The following TEK variants were observed in gnomAD, a reference collection of about 807,000 sequenced individuals.
The protein encoded by TEK is angiopoietin-1 receptor.
A neutral mutation model predicts 131.8 loss-of-function variants in TEK; 43 were observed. That is an observed-to-expected ratio of 0.33 (90% confidence interval 0.26 to 0.42). The LOEUF (loss-of-function observed/expected upper bound fraction) is 0.42. TEK is among the 10% of genes least tolerant of loss of function. The pLI is 1.00. For missense variants in TEK, 1,162 were observed against 1,384.4 expected, an observed-to-expected ratio of 0.84 and a Z score of 2.55; for synonymous variants, 580 against 491.6, an observed-to-expected ratio of 1.18 and a Z score of -2.38.
Position 27,204,767 on chromosome 9 carries a change from T to C in TEK, c.2210-144T>C, listed in dbSNP as rs901498383. The C allele has an allele frequency of 6.1e-6, 6 of 988,346 alleles. No individual in the cohort carries two copies. The African/African-American group carries it at 9.5e-5, about 16-fold the overall frequency. 61.2% of individuals were successfully genotyped at this position (988,346 alleles called of 1,614,324 possible). A position where few individuals can be genotyped will look rare whatever the true frequency, so the allele number is the denominator to read the frequency against. On this transcript the variant is annotated intron_variant, in intron 13 of 22. Transcript: ENST00000380036. Reference sequence around the variant, plus strand: ...CCACTGAGTTTGGAATATAAATGAGTAGCCCGAGGTCATATAGTGGTTAGG... The same window carrying C: ...CCACTGAGTTTGGAATATAAATGAGCAGCCCGAGGTCATATAGTGGTTAGG...
intron 1 of TEK, among the ~76,000 whole-genome samples, chr9:27,124,019 C>T (rs1048494158): frequency 1.3e-5 from 2 of 152,206 alleles, no homozygotes; most frequent in Non-Finnish European, 2.9e-5. Flanking sequence ...TCAGGTGACC[C>T]ACCCTCCTTG....
At chr9:27,197,638 A>T in intron 12 of TEK, 39 bp downstream of exon 12, 1 of 1,611,990 alleles carries the variant, frequency 6.2e-7, no homozygotes, top group South Asian at 1.1e-5. Context: ...TCTGAGCAAT[A>T]AGGGGCTACC....
At chr9:27,208,890 C>CA (rs1325891580) in intron 15 of TEK, among the ~76,000 whole-genome samples, 1 of 151,822 alleles carries the variant, frequency 6.6e-6, no homozygotes, top group Non-Finnish European at 1.5e-5. Flanking sequence ...TAGTAGAGGC[C>CA]AGGATGGCTG....
At chr9:27,110,807 TA>T (rs1484898420) in intron 1 of TEK, among the ~76,000 whole-genome samples, 8 of 152,344 alleles carry the variant, frequency 5.3e-5, no homozygotes, top group Admixed American at 4.6e-4. Context: ...CACAAGTTGC[TA>T]AAAATTAAAA....
rs532115846 is a variant in TEK at position 27,221,111 on chromosome 9, T to C, written c.3200+966T>C. 2.0e-5 allele frequency among the ~76,000 whole-genome samples: 3 copies of C among 152,288 alleles called. No homozygotes were observed. In the South Asian group the frequency reaches 6.2e-4, roughly 32 times the overall value. ...GAGAGGCATCTGCCATTACTGAGGC[T>C]TGAGTAGGCGGTTTTCCCCTCACAA... On this transcript the variant is annotated intron_variant, in intron 21 of 22. Coordinates refer to ENST00000380036, the MANE Select transcript of TEK (RefSeq NM_000459.5).
At chr9:27,212,285 A>G (rs1825664004) in intron 16 of TEK, among the ~76,000 whole-genome samples, 1 of 152,248 alleles carries the variant, frequency 6.6e-6, no homozygotes, top group South Asian at 2.1e-4. Context: ...AGGAATAGCT[A>G]GAGGCAGACT....
chr9:27,116,525 C>T (rs1486693874), intron 1 of TEK, among the ~76,000 whole-genome samples: 1 of 152,170 alleles, frequency 6.6e-6, no homozygotes, highest in African/African-American at 2.4e-5. Flanking sequence ...CCTCATGATC[C>T]ACCTGCCTTG....
Position 27,173,313 on chromosome 9 carries a change from C to T in TEK, c.852C>T (p.Pro284=), listed in dbSNP as rs754467136. Residue 284 remains proline (P), a synonymous_variant, in exon 6 of 23, where the codon CCC becomes CCT. Transcript: ENST00000380036. ...CTTATGTGTTCTGTCTCCCTGACCC[C>T]TATGGGTGTTCCTGTGCCACAGGCT... The part of the protein sequence containing the change: ...CKSYVFCLPD[P]YGCSCATGWK... 5.6e-6 allele frequency: 9 copies of T among 1,614,080 alleles called. No homozygotes were observed. In the South Asian group the frequency reaches 8.8e-5, roughly 16 times the overall value.
At chr9:27,219,438 GGGAACACA>G (rs909975983) in intron 20 of TEK, among the ~76,000 whole-genome samples, 13 of 152,120 alleles carry the variant, frequency 8.5e-5, no homozygotes, top group Admixed American at 3.3e-4. Context: ...GTTGAACAAT[GGGAACACA>G]TGGACACAGG....
chr9:27,150,892 G>T (rs183071416), intron 1 of TEK, among the ~76,000 whole-genome samples: 19 of 152,298 alleles, frequency 1.2e-4, no homozygotes, highest in Non-Finnish European at 2.1e-4. Context: ...GCGAGAGGAT[G>T]TCATTCCCTC....
At chr9:27,178,515 A>G (rs1824251471) in intron 6 of TEK, among the ~76,000 whole-genome samples, 1 of 152,166 alleles carries the variant, frequency 6.6e-6, no homozygotes, top group African/African-American at 2.4e-5. Flanking sequence ...TGCAATTTTG[A>G]TAGTGATTGT....
chr9:27,147,987 A>G (rs1822987384), intron 1 of TEK, among the ~76,000 whole-genome samples: 2 of 152,226 alleles, frequency 1.3e-5, no homozygotes, highest in South Asian at 4.1e-4. Context: ...TTTCTTTGTC[A>G]TAGTCTCCTT....
intron 1 of TEK, among the ~76,000 whole-genome samples, chr9:27,111,114 C>T (rs1009192090): frequency 2.0e-5 from 3 of 152,110 alleles, no homozygotes; most frequent in Admixed American, 2.0e-4. Flanking sequence ...GCAATACAGG[C>T]TTAGAAGAAT....
chr9:27,228,028 G>A (rs1826408026), intron 21 of TEK, among the ~76,000 whole-genome samples, 178 bp from the exon 22 acceptor site: 1 of 152,144 alleles, frequency 6.6e-6, no homozygotes. Context: ...TCTATGAGGA[G>A]TTGAAATGAG....
chr9:27,122,994 A>C (rs1821849272), intron 1 of TEK, among the ~76,000 whole-genome samples: 1 of 133,716 alleles, frequency 7.5e-6, no homozygotes, highest in African/African-American at 2.8e-5. Context: ...CAGAGGTTGC[A>C]GTGAGCCGAG....
At chr9:27,225,043 C>T (rs997350293) in intron 21 of TEK, among the ~76,000 whole-genome samples, 1 of 152,184 alleles carries the variant, frequency 6.6e-6, no homozygotes, top group Non-Finnish European at 1.5e-5. Context: ...AGGAATCCAA[C>T]TTACAAGGGA....
intron 1 of TEK, among the ~76,000 whole-genome samples, chr9:27,146,864 G>A (rs1822939555): frequency 6.6e-6 from 1 of 151,702 alleles, no homozygotes; most frequent in South Asian, 2.1e-4. Context: ...CGAGTAGCTG[G>A]GACTACAGGT....
intron 1 of TEK, among the ~76,000 whole-genome samples, chr9:27,149,707 G>A (rs189394450): frequency 6.6e-6 from 1 of 152,312 alleles, no homozygotes; most frequent in East Asian, 1.9e-4. Context: ...ACAGGGCACT[G>A]AGGAGACACT....
At chr9:27,220,656 G>A (rs1032501052) in intron 21 of TEK, among the ~76,000 whole-genome samples, 3 of 152,206 alleles carry the variant, frequency 2.0e-5, no homozygotes, top group Non-Finnish European at 4.4e-5. Flanking sequence ...CATGGAGGGT[G>A]AGCTGAAGCC....
Sources: gnomAD v4.1 joint callset for allele counts (sites outside exome capture counted in the v4.1 genomes callset) on GRCh38, gnomAD v4.1.1 for gene constraint, MANE v1.5 for transcripts, NCBI Gene and HGNC (gene_info 2026-07-23, HGNC 2026-07-21) for gene names.